Variants in DOCK3 observed in about 807,000 individuals in gnomAD.
DOCK3 encodes dedicator of cytokinesis 3, also known as dedicator of cytokinesis protein 3.
In DOCK3, 60 loss-of-function variants were observed where a neutral mutation model predicts 265.6. The observed-to-expected ratio is 0.23, with a 90% CI of 0.18 to 0.28. DOCK3 has a LOEUF of 0.28. Ranked by LOEUF, DOCK3 falls within the 10% of genes least tolerant of loss-of-function variation. DOCK3 has a pLI of 1.00. For synonymous variants in DOCK3, 881 were observed against 938.0 expected, an observed-to-expected ratio of 0.94 and a Z score of 1.11; for missense variants, 1,981 against 2,594.3, an observed-to-expected ratio of 0.76 and a Z score of 5.14.
Position 50,689,049 on chromosome 3 carries a change from C to T in DOCK3, c.37+13749C>T, listed in dbSNP as rs1419160124. On this transcript the variant is annotated intron_variant, in intron 1 of 52. Coordinates refer to ENST00000266037, the MANE Select transcript of DOCK3 (RefSeq NM_004947.5). ...GTGACTTAAAGCCTGCCACCAGATACAGCTGTGTTAAGTACATTAACTCAC... is the reference window on the plus strand; with the variant it reads ...GTGACTTAAAGCCTGCCACCAGATATAGCTGTGTTAAGTACATTAACTCAC... Among the ~76,000 whole-genome samples, 6 of 152,310 alleles carry T rather than the reference C, an allele frequency of 3.9e-5. No homozygotes were observed. The South Asian group carries it at 1.2e-3, about 32-fold the overall frequency.
At chr3:50,864,390 CT>C (rs2107528689) in intron 3 of DOCK3, among the ~76,000 whole-genome samples, 1 of 152,106 alleles carries the variant, frequency 6.6e-6, no homozygotes, top group African/African-American at 2.4e-5. Flanking sequence ...TCCTTTCGTT[CT>C]GTAGGTTGTC....
chr3:51,095,724 G>T (rs535570767), intron 9 of DOCK3, among the ~76,000 whole-genome samples: 33 of 151,178 alleles, frequency 2.2e-4, no homozygotes, highest in Non-Finnish European at 4.0e-4. Context: ...AGTGGAGAAA[G>T]GTAATACTCA....
At chr3:50,685,964 T>A (rs2034767727) in intron 1 of DOCK3, among the ~76,000 whole-genome samples, 1 of 152,194 alleles carries the variant, frequency 6.6e-6, no homozygotes, top group Non-Finnish European at 1.5e-5. Context: ...TCTCTAAGCT[T>A]TTCGACACCA....
At chr3:51,376,247 G>A (rs886842319) in intron 51 of DOCK3, among the ~76,000 whole-genome samples, 7 of 152,184 alleles carry the variant, frequency 4.6e-5, no homozygotes, top group Non-Finnish European at 8.8e-5. Context: ...ACAGGCCGTG[G>A]CCAAACAAGC....
chr3:51,009,873 T>G (rs1200798893), intron 5 of DOCK3, among the ~76,000 whole-genome samples: 1 of 152,176 alleles, frequency 6.6e-6, no homozygotes, highest in Non-Finnish European at 1.5e-5. Flanking sequence ...ATTTAATTAT[T>G]AACCCAGTAG....
chr3:51,073,954 A>T lies in DOCK3; in HGVS notation c.465-1402A>T, dbSNP rs1018225355. 9.2e-5 allele frequency among the ~76,000 whole-genome samples: 14 copies of T among 152,366 alleles called. No individual in the cohort carries two copies. In the South Asian group the frequency reaches 1.7e-3, roughly 18 times the overall value. On this transcript the variant is annotated intron_variant, in intron 6 of 52. Coordinates refer to ENST00000266037, the MANE Select transcript of DOCK3 (RefSeq NM_004947.5). Reference sequence around the variant, plus strand: ...AATTTTATCAGATATTTTCCTATAAACAGGGTATAAATTGTAAATGAATCT... The same window carrying T: ...AATTTTATCAGATATTTTCCTATAATCAGGGTATAAATTGTAAATGAATCT...
At chr3:50,822,125 C>T (rs542498738) in intron 2 of DOCK3, among the ~76,000 whole-genome samples, 12 of 152,190 alleles carry the variant, frequency 7.9e-5, no homozygotes, top group East Asian at 3.9e-4. Context: ...TTGATTCTTT[C>T]GGTTCCTGAG....
At chr3:50,755,147 T>G (rs1437080283) in intron 1 of DOCK3, among the ~76,000 whole-genome samples, 1 of 152,230 alleles carries the variant, frequency 6.6e-6, no homozygotes, top group Non-Finnish European at 1.5e-5. Flanking sequence ...ACTCTGTACT[T>G]GAGCAAGTCA....
chr3:51,161,560 A>G (rs1299275224), intron 12 of DOCK3, among the ~76,000 whole-genome samples: 2 of 152,222 alleles, frequency 1.3e-5, no homozygotes, highest in Non-Finnish European at 2.9e-5. Flanking sequence ...TAATTCTGAA[A>G]CAGCTTCATT....
intron 4 of DOCK3, among the ~76,000 whole-genome samples, chr3:50,897,895 A>T (rs1462500803): frequency 1.1e-5 from 1 of 89,596 alleles, no homozygotes; most frequent in African/African-American, 4.5e-5. Context: ...TTTACTGAGG[A>T]TTTTCACATC....
At chr3:51,379,543 C>A (rs1183629622) in intron 51 of DOCK3, 1 of 985,474 alleles carries the variant, frequency 1.0e-6, no homozygotes, top group East Asian at 1.1e-4. Flanking sequence ...TCCTGGCCCC[C>A]CCAGTGCCTC....
chr3:50,997,162 G>A (rs1294054633), intron 5 of DOCK3, among the ~76,000 whole-genome samples: 1 of 152,072 alleles, frequency 6.6e-6, no homozygotes, highest in African/African-American at 2.4e-5. Context: ...TGTATACCCA[G>A]TGCCTAACAG....
chr3:50,985,502 A>G (rs537539554), intron 5 of DOCK3, among the ~76,000 whole-genome samples: 2 of 152,288 alleles, frequency 1.3e-5, no homozygotes, highest in African/African-American at 4.8e-5. Context: ...TTTAACAGAC[A>G]TTGTAGAGAC....
chr3:51,371,647 G>A (rs1260364368), intron 49 of DOCK3, among the ~76,000 whole-genome samples: 1 of 152,244 alleles, frequency 6.6e-6, no homozygotes, highest in East Asian at 1.9e-4. Context: ...GAAAGCTTTC[G>A]TAAAGGTGAT....
rs547149150 is a variant in DOCK3, at chr3:51,172,511, A to G, written c.1037+11809A>G. ...TTTTCATCACTTCACTTTTGAAGCT[A>G]AGGTGAGTCTCTTATAGGCAGCATA... On this transcript the variant is annotated intron_variant, in intron 12 of 52. Transcript: ENST00000266037. 4.6e-5 allele frequency among the ~76,000 whole-genome samples: 7 copies of G among 152,300 alleles called. No homozygotes were observed. In the South Asian group the frequency reaches 1.5e-3, roughly 32 times the overall value.
chr3:50,760,971 C>T (rs993562553), intron 1 of DOCK3, among the ~76,000 whole-genome samples: 5 of 152,018 alleles, frequency 3.3e-5, no homozygotes, highest in South Asian at 2.1e-4. Context: ...TTAGTAGAAA[C>T]GGGGTTTTAC....
At chr3:51,017,634 A>T (rs976559437) in intron 5 of DOCK3, among the ~76,000 whole-genome samples, 5 of 151,600 alleles carry the variant, frequency 3.3e-5, no homozygotes, top group Non-Finnish European at 5.9e-5. Context: ...TCAGGAGCAT[A>T]TTGTTTAATT....
At chr3:51,215,643 G>T (rs2108238997) in intron 14 of DOCK3, among the ~76,000 whole-genome samples, 1 of 152,232 alleles carries the variant, frequency 6.6e-6, no homozygotes, top group East Asian at 1.9e-4. Flanking sequence ...CTATGTGGTG[G>T]GTTCCAGCTG....
intron 24 of DOCK3, among the ~76,000 whole-genome samples, 161 bp downstream of exon 24, chr3:51,271,168 G>C (rs775026604): frequency 2.0e-5 from 3 of 152,166 alleles, no homozygotes; most frequent in African/African-American, 7.2e-5. Flanking sequence ...CTATAATAGA[G>C]AATGCAGCCA....
Sources: gnomAD v4.1 joint callset for allele counts (sites outside exome capture counted in the v4.1 genomes callset) on GRCh38, gnomAD v4.1.1 for gene constraint, MANE v1.5 for transcripts, NCBI Gene and HGNC (gene_info 2026-07-23, HGNC 2026-07-21) for gene names.